Variants in EDA observed in about 807,000 individuals in gnomAD.
EDA encodes ectodysplasin A.
EDA carries 2 observed loss-of-function variants against 23.6 expected under a neutral mutation model. The ratio of observed to expected loss-of-function variants is 0.08; its 90% confidence interval spans 0.03 to 0.27. The LOEUF (loss-of-function observed/expected upper bound fraction) is 0.27. Among genes scored for constraint, EDA ranks in the 10% least tolerant of loss-of-function variants. The pLI is 1.00. For synonymous variants in EDA, 131 were observed against 132.0 expected (o/e 0.99, Z 0.05); for missense variants, 229 against 324.2 (o/e 0.71, Z 2.26).
chrX:69,851,982 T>G (rs1173496047), intron 1 of EDA, among the ~76,000 whole-genome samples: 1 of 112,139 alleles, frequency 8.9e-6, no homozygotes, highest in East Asian at 2.8e-4. Flanking sequence ...ATTGCCCTGT[T>G]TTCTCCTTGT....
chrX:69,744,554 AGTAATTAAAG>A lies in EDA; in HGVS notation c.396+127853_396+127862del, dbSNP rs1176648994. 3.6e-4 allele frequency among the ~76,000 whole-genome samples: 40 copies of A among 112,415 alleles called. No individual in the cohort carries two copies. In the East Asian group the frequency reaches 9.0e-3, roughly 25 times the overall value. Reference sequence around the variant, plus strand: ...ACCCAGAAGATTAATAGGAGGAACAAGTAATTAAAGGTTTCATGTTAGATAAGACTTTGGT... The same window carrying A: ...ACCCAGAAGATTAATAGGAGGAACAAGTTTCATGTTAGATAAGACTTTGGT... On this transcript the variant is annotated intron_variant, in intron 1 of 7. Transcript: ENST00000374552.
intron 6 of EDA, 28 bp downstream of exon 6, chrX:70,030,548 A>G: frequency 8.6e-7 from 1 of 1,157,472 alleles, no homozygotes; most frequent in African/African-American, 1.8e-5. Flanking sequence ...CTCTCTCCCA[A>G]AGAGGAGCTT....
Position 69,655,787 on chromosome X carries a change from T to TATATATATATATATATATATATATATA in EDA, c.396+39083_396+39084insATATATATATATATATATATATATATA, listed in dbSNP as rs6151315. Among the ~76,000 whole-genome samples, 176 of 88,288 alleles carry TATATATATATATATATATATATATATA rather than the reference T, an allele frequency of 2.0e-3. 1 individual carries two copies. The highest frequency in any genetic ancestry group is 2.9e-3 in the African/African-American group (63 of 21,362). 76.7% of individuals were successfully genotyped at this position (88,288 alleles called of 115,157 possible). On this transcript the variant is annotated intron_variant, in intron 1 of 7. Transcript: ENST00000374552. ...CTATATATATATATATATATATATA[T>TATATATATATATATATATATATATATA]TGCACTTTGTGATTTAAATTATGCT...
intron 1 of EDA, among the ~76,000 whole-genome samples, chrX:69,759,116 C>T (rs1160315): frequency 0.32 from 35,681 of 111,450 alleles, 5,023 homozygotes; most frequent in Middle Eastern, 0.57. Flanking sequence ...CTTTCCTCTT[C>T]TTTCTAGGGA....
chrX:69,666,340 G>C (rs1046953252), intron 1 of EDA, among the ~76,000 whole-genome samples: 2 of 112,494 alleles, frequency 1.8e-5, no homozygotes, highest in African/African-American at 6.4e-5. Context: ...ATGTTGAATA[G>C]AGGTGGTGGG....
chrX:69,632,908 ACTT>A (rs1165675094), intron 1 of EDA, among the ~76,000 whole-genome samples: 1 of 110,845 alleles, frequency 9.0e-6, no homozygotes, highest in African/African-American at 3.3e-5. Context: ...TCTCTCTCAA[ACTT>A]CTTTTTTTCC....
chrX:69,773,900 T>G (rs2014705617), intron 1 of EDA, among the ~76,000 whole-genome samples: 1 of 112,035 alleles, frequency 8.9e-6, no homozygotes, highest in African/African-American at 3.2e-5. Context: ...TTTTTAGTTT[T>G]GTGGGTGCTG....
chrX:69,679,209 C>G (rs552925077), intron 1 of EDA, among the ~76,000 whole-genome samples: 2 of 107,768 alleles, frequency 1.9e-5, no homozygotes, highest in South Asian at 8.3e-4. Flanking sequence ...TGATGTGCTG[C>G]TGGATTCGGT....
Position 69,679,736 on chromosome X carries a change from G to A in EDA, c.396+63032G>A, listed in dbSNP as rs182118886. 3.3e-3 allele frequency among the ~76,000 whole-genome samples: 365 copies of A among 110,832 alleles called. 2 individuals carry two copies. Among genetic ancestry groups the A allele is most frequent in the Middle Eastern group, 4.6e-3 (1 of 216 alleles). On this transcript the variant is annotated intron_variant, in intron 1 of 7. Transcript: ENST00000374552. ...TTTTTTCTTTATTAGTCTTGCTAGC[G>A]GTTTATCAATTTTGTTGATCTTTTC...
intron 1 of EDA, among the ~76,000 whole-genome samples, chrX:69,940,377 A>G (rs995501045): frequency 9.0e-6 from 1 of 110,904 alleles, no homozygotes; most frequent in African/African-American, 3.3e-5. Flanking sequence ...ATTGGCATAC[A>G]GTTGTTCATA....
intron 2 of EDA, among the ~76,000 whole-genome samples, chrX:70,002,900 G>C (rs2019758006): frequency 8.9e-6 from 1 of 112,051 alleles, no homozygotes; most frequent in African/African-American, 3.2e-5. Context: ...GAAAGCAATT[G>C]TTATACAGAA....
chrX:69,826,519 A>C (rs1318137282), intron 1 of EDA, among the ~76,000 whole-genome samples: 10 of 109,300 alleles, frequency 9.1e-5, no homozygotes, highest in Admixed American at 1.9e-4. Flanking sequence ...CTAGGATTGC[A>C]ACCCCTGCCT....
At chrX:69,779,711 C>T (rs1002016329) in intron 1 of EDA, among the ~76,000 whole-genome samples, 1 of 111,571 alleles carries the variant, frequency 9.0e-6, no homozygotes, top group African/African-American at 3.2e-5. Context: ...TGATTAATTT[C>T]ATCTTATGTA....
intron 1 of EDA, among the ~76,000 whole-genome samples, chrX:69,714,948 T>C (rs780922856): frequency 5.4e-5 from 6 of 110,989 alleles, no homozygotes; most frequent in Non-Finnish European, 1.1e-4. Context: ...TTTATAGGAA[T>C]TATAGTAAAC....
Position 69,616,404 on chromosome X carries a change from C to T in EDA, c.96C>T (p.Ala32=). The part of the protein sequence containing the change: ...SQGCGCGGAP[A]RAGEGNSCLL... ...GCTGCGGGTGTGGCGGGGCCCCTGC[C>T]CGGGCGGGCGAAGGGAACAGCTGCC... The change falls in exon 1 of 8, where the codon GCC becomes GCT. Residue 32 remains alanine, a synonymous_variant. Coordinates refer to ENST00000374552, the MANE Select transcript of EDA (RefSeq NM_001399.5). The T allele has an allele frequency of 2.5e-6, 3 of 1,207,414 alleles. No homozygotes were observed. Among genetic ancestry groups the T allele is most frequent in the Non-Finnish European group, 2.2e-6 (2 of 894,773 alleles).
In EDA at chrX:69,771,804, A is replaced by G. The variant is rs148654920; in HGVS notation, c.396+155100A>G. Among the ~76,000 whole-genome samples the G allele has an allele frequency of 1.1e-3, 122 of 112,406 alleles. 3 individuals are homozygous for G. The East Asian group carries it at 0.03, about 28-fold the overall frequency. Reference sequence around the variant, plus strand: ...TACCAGTGATGGTAAAGATGGAATCATATGATACACAGACCTTTATGATTG... The same window carrying G: ...TACCAGTGATGGTAAAGATGGAATCGTATGATACACAGACCTTTATGATTG... On this transcript the variant is annotated intron_variant, in intron 1 of 7. Coordinates refer to ENST00000374552, the MANE Select transcript of EDA (RefSeq NM_001399.5).
intron 1 of EDA, among the ~76,000 whole-genome samples, chrX:69,905,120 G>T (rs1266894246): frequency 8.9e-6 from 1 of 111,917 alleles, no homozygotes; most frequent in African/African-American, 3.2e-5. Flanking sequence ...CTTCATAGTG[G>T]CTGTACTAAC....
At chrX:69,652,524 C>G (rs140720582) in intron 1 of EDA, among the ~76,000 whole-genome samples, 2,074 of 111,868 alleles carry the variant, frequency 0.019, 61 homozygotes, top group African/African-American at 0.062. Flanking sequence ...TATTTCATAT[C>G]TGACTACACA....
intron 2 of EDA, chrX:69,957,492 C>CAA: frequency 3.8e-4 from 46 of 121,422 alleles, no homozygotes; most frequent in East Asian, 2.1e-3. Flanking sequence ...AAAAAAAAAA[C>CAA]AAAAAAAAAA....
Sources: allele counts gnomAD v4.1 joint callset (sites outside exome capture counted in the v4.1 genomes callset), GRCh38; gene constraint gnomAD v4.1.1; transcripts MANE v1.5; gene names NCBI Gene and HGNC (gene_info 2026-07-23, HGNC 2026-07-21).